Variants in SLC39A12 observed in about 807,000 individuals in gnomAD.
SLC39A12 encodes the protein zinc transporter ZIP12.
A neutral mutation model predicts 71.1 loss-of-function variants in SLC39A12; 63 were observed. The observed-to-expected ratio is 0.89, with a 90% CI of 0.72 to 1.09. SLC39A12 has a LOEUF of 1.09. Ranked by LOEUF, SLC39A12 falls within the 50% of genes least tolerant of loss-of-function variation. The pLI is 0.00. For missense variants in SLC39A12, 892 were observed against 812.6 expected (o/e 1.10, Z -1.19); for synonymous variants, 351 against 301.3 (o/e 1.16, Z -1.71).
intron 6 of SLC39A12, among the ~76,000 whole-genome samples, chr10:17,986,306 A>G (rs1302682992): frequency 6.6e-6 from 1 of 152,238 alleles, no homozygotes; most frequent in Non-Finnish European, 1.5e-5. Context: ...CTTCAAAACA[A>G]CACGGTTATT....
At chr10:18,028,036 G>A (rs1048810580) in intron 12 of SLC39A12, among the ~76,000 whole-genome samples, 1 of 152,168 alleles carries the variant, frequency 6.6e-6, no homozygotes, top group East Asian at 1.9e-4. Context: ...CTTATCAAAT[G>A]CAAATGTATA....
intron 7 of SLC39A12, among the ~76,000 whole-genome samples, chr10:17,988,627 C>T (rs1178666883): frequency 6.6e-6 from 1 of 152,232 alleles, no homozygotes; most frequent in Non-Finnish European, 1.5e-5. Flanking sequence ...CAGAAGGCTG[C>T]ATCTCCTCAG....
chr10:18,011,383 T>C (rs1836217609), intron 12 of SLC39A12, among the ~76,000 whole-genome samples: 1 of 152,178 alleles, frequency 6.6e-6, no homozygotes, highest in Admixed American at 6.5e-5. Flanking sequence ...GCCACTGCAC[T>C]CATCCCCCTT....
At chr10:17,954,930 AATTC>A (rs1834502416) in intron 2 of SLC39A12, among the ~76,000 whole-genome samples, 1 of 152,138 alleles carries the variant, frequency 6.6e-6, no homozygotes, top group African/African-American at 2.4e-5. Flanking sequence ...AGCAATAAAT[AATTC>A]AATAATTATT....
At chr10:17,984,600 A>G (rs1431657303) in intron 6 of SLC39A12, among the ~76,000 whole-genome samples, 1 of 152,240 alleles carries the variant, frequency 6.6e-6, no homozygotes, top group Non-Finnish European at 1.5e-5. Flanking sequence ...AGAATGGGAT[A>G]TGAAACTTAG....
chr10:17,953,312 G>C lies in SLC39A12; in HGVS notation c.36G>C (p.Val12=). The change falls in exon 2 of 13, where the codon GTG becomes GTC. Residue 12 remains valine (V), a synonymous_variant. Coordinates refer to ENST00000377369, the MANE Select transcript of SLC39A12 (RefSeq NM_001145195.2). ...CFRTKLSVSW[V]PLFLLLSRVF... is the part of the protein sequence containing the mutation. ...GGACAAAGCTCTCAGTATCCTGGGT[G>C]CCATTGTTTCTTCTACTCAGCCGTG... is the stretch of plus-strand genomic sequence containing the variant. The C allele has an allele frequency of 6.2e-7, 1 of 1,614,188 alleles. No homozygotes were observed. The highest frequency in any genetic ancestry group is 1.1e-5 in the South Asian group (1 of 91,082).
chr10:17,995,536 T>A, intron 9 of SLC39A12, 120 bp from the exon 10 acceptor site: 1 of 811,238 alleles, frequency 1.2e-6, no homozygotes, highest in Non-Finnish European at 2.0e-6. Flanking sequence ...GAGGTTCTAA[T>A]ATACATCTAG....
At chr10:18,018,728 C>T (rs1347890350) in intron 12 of SLC39A12, among the ~76,000 whole-genome samples, 1 of 151,920 alleles carries the variant, frequency 6.6e-6, no homozygotes, top group Non-Finnish European at 1.5e-5. Flanking sequence ...GGAATAAATC[C>T]CTCTTGATTG....
chr10:17,959,863 G>A (rs1834642376), intron 2 of SLC39A12, among the ~76,000 whole-genome samples: 1 of 152,176 alleles, frequency 6.6e-6, no homozygotes, highest in African/African-American at 2.4e-5. Flanking sequence ...CACAGTGGAG[G>A]GGAGGAAAGA....
intron 6 of SLC39A12, among the ~76,000 whole-genome samples, chr10:17,986,283 G>T (rs1341211469): frequency 2.0e-5 from 3 of 152,192 alleles, no homozygotes; most frequent in Non-Finnish European, 4.4e-5. Context: ...TTAGTAAGGG[G>T]TAGTCAGAGT....
intron 12 of SLC39A12, among the ~76,000 whole-genome samples, chr10:18,026,083 G>A (rs1023123287): frequency 1.3e-5 from 2 of 152,030 alleles, no homozygotes; most frequent in Non-Finnish European, 2.9e-5. Context: ...ACTGTAACCT[G>A]TTAGATCAAC....
At chr10:17,981,122 G>A (rs1430752537) in intron 5 of SLC39A12, among the ~76,000 whole-genome samples, 190 bp from the exon 6 acceptor site, 1 of 152,134 alleles carries the variant, frequency 6.6e-6, no homozygotes, top group African/African-American at 2.4e-5. Context: ...TGCAGGCTTT[G>A]GTCAGAGATT....
Position 17,961,848 on chromosome 10 carries a change from A to G in SLC39A12, c.529A>G (p.Thr177Ala), listed in dbSNP as rs782805699. The change falls in exon 3 of 13, where the codon ACT becomes GCT. Residue 177 changes from threonine (T) to alanine (A), a missense_variant. Physicochemically the swap from Thr to Ala is moderately conservative, Grantham distance 58 (BLOSUM62 0). Coordinates refer to ENST00000377369, the MANE Select transcript of SLC39A12 (RefSeq NM_001145195.2). ...ILAFTRQYFD[T>A]SQSQCMETKT... ...GGCTTTCACCAGGCAGTACTTTGAC[A>G]CTTCTCAAAGCCAGGTAAGAAGGCA... 1 of 1,613,166 alleles carries G rather than the reference A, an allele frequency of 6.2e-7. No homozygotes were observed.
At chr10:18,033,810 A>G (rs911524267) in intron 12 of SLC39A12, among the ~76,000 whole-genome samples, 1 of 151,000 alleles carries the variant, frequency 6.6e-6, no homozygotes, top group Non-Finnish European at 1.5e-5. Context: ...TTCCCTCTAC[A>G]CACTGCTTTG....
intron 10 of SLC39A12, among the ~76,000 whole-genome samples, chr10:17,996,970 G>A (rs1474832874): frequency 2.8e-5 from 4 of 141,796 alleles, no homozygotes; most frequent in African/African-American, 1.0e-4. Flanking sequence ...AGCCGAGATC[G>A]CGCCACTGCA....
chr10:18,038,721 G>C (rs1409171358), intron 12 of SLC39A12, among the ~76,000 whole-genome samples: 1 of 152,082 alleles, frequency 6.6e-6, no homozygotes, highest in Non-Finnish European at 1.5e-5. Flanking sequence ...AGTCAAAACA[G>C]AAACAGCTTG....
intron 4 of SLC39A12, among the ~76,000 whole-genome samples, chr10:17,975,317 A>C (rs74118063): frequency 0.023 from 3,431 of 152,234 alleles, 121 homozygotes; most frequent in African/African-American, 0.075. Flanking sequence ...TCACCCAAGG[A>C]CCTTGACATA....
intron 5 of SLC39A12, among the ~76,000 whole-genome samples, chr10:17,979,013 C>G (rs1431710389): frequency 1.3e-5 from 2 of 152,160 alleles, no homozygotes; most frequent in Non-Finnish European, 2.9e-5. Context: ...AGAAGCCCTG[C>G]AAGTAATTCT....
intron 12 of SLC39A12, among the ~76,000 whole-genome samples, chr10:18,017,341 C>A (rs1836413976): frequency 1.3e-5 from 2 of 152,190 alleles, no homozygotes; most frequent in African/African-American, 4.8e-5. Flanking sequence ...CAGAGTCTCA[C>A]TTTGTCACCC....
Sources: allele counts gnomAD v4.1 joint callset (sites outside exome capture counted in the v4.1 genomes callset), GRCh38; gene constraint gnomAD v4.1.1; transcripts MANE v1.5; gene names NCBI Gene and HGNC (gene_info 2026-07-23, HGNC 2026-07-21).